The following MESD variants were observed in gnomAD, a reference collection of about 807,000 sequenced individuals.
MESD encodes mesoderm development LRP chaperone.
A neutral mutation model predicts 12.9 loss-of-function variants in MESD; 7 were observed. The ratio of observed to expected loss-of-function variants is 0.54; its 90% CI spans 0.31 to 1.02. The LOEUF is 1.02. MESD is among the 50% of genes least tolerant of loss of function. The pLI, the probability that MESD is intolerant of heterozygous loss-of-function variation, is 0.05. For synonymous variants in MESD, 126 were observed against 115.6 expected (o/e 1.09, Z -0.58); for missense variants, 342 against 296.7 (o/e 1.15, Z -1.12).
downstream of MESD, among the ~76,000 whole-genome samples, chr15:80,974,147 C>T (rs1902353601): frequency 6.6e-6 from 1 of 152,188 alleles, no homozygotes; most frequent in Admixed American, 6.5e-5. Flanking sequence ...AGCAGAGCCA[C>T]ACACAGCCTT....
rs556373031 is a variant in MESD, at chr15:80,985,317, T to C, written c.214-3135A>G. On this transcript the variant is annotated intron_variant, in intron 1 of 2. Coordinates refer to ENST00000261758, the MANE Select transcript of MESD (RefSeq NM_015154.3). ...AATAACAGCTTCTCCCTCCTAAGGT[T>C]TGTTTGGGGATGTAATGACTTAAAG... Among the ~76,000 whole-genome samples the C allele has an allele frequency of 5.7e-4, 86 of 152,130 alleles. 1 individual carries two copies. The highest frequency in any genetic ancestry group is 1.2e-3 in the Admixed American group (19 of 15,284).
intron 3 of MESD, among the ~76,000 whole-genome samples, chr15:80,959,699 T>A (rs1242884596): frequency 1.3e-5 from 2 of 152,132 alleles, no homozygotes; most frequent in African/African-American, 4.8e-5. Context: ...TCCCCCCACC[T>A]TTGTGCCCCT....
intron 4 of MESD, chr15:80,948,937 C>T (rs780764277): frequency 6.2e-7 from 1 of 1,614,166 alleles, no homozygotes; most frequent in East Asian, 2.2e-5. Flanking sequence ...ACAGCTGCCG[C>T]CCGGTGCCAC....
In MESD at chr15:80,989,660, A is replaced by C. The variant is rs1423070016; in HGVS notation, c.132T>G (p.Ser44=). ...AEGSPGTPDE[S]TPPPRKKKKD... is the part of the protein sequence containing the mutation. ...TCTTCTTCTTCCGGGGAGGTGGGGTAGACTCGTCGGGCGTCCCGGGCGAGC... is the reference window on the plus strand; with the variant it reads ...TCTTCTTCTTCCGGGGAGGTGGGGTCGACTCGTCGGGCGTCCCGGGCGAGC... Residue 44 remains serine (S), a synonymous_variant, in exon 1 of 3, where the codon TCT becomes TCG. Coordinates refer to ENST00000261758, the MANE Select transcript of MESD (RefSeq NM_015154.3). The C allele has an allele frequency of 6.2e-7, 1 of 1,613,742 alleles. No individual in the cohort carries two copies. Among genetic ancestry groups the C allele is most frequent in the Non-Finnish European group, 8.5e-7 (1 of 1,179,994 alleles).
At chr15:80,971,742 T>A (rs1215221003), downstream of MESD, among the ~76,000 whole-genome samples, 2 of 151,976 alleles carry the variant, frequency 1.3e-5, no homozygotes, top group East Asian at 3.9e-4. Flanking sequence ...TCCTCCCGCC[T>A]CAACCTCCTG....
chr15:80,974,691 A>T (rs2141803501), downstream of MESD, among the ~76,000 whole-genome samples: 1 of 150,988 alleles, frequency 6.6e-6, no homozygotes, highest in Admixed American at 6.6e-5. Flanking sequence ...GGGGAGCTGA[A>T]TCTGCAATCA....
chr15:80,947,473 T>A (rs565661024), exon 5 of MESD: 1 of 188,286 alleles, frequency 5.3e-6, no homozygotes, highest in South Asian at 1.1e-4. Context: ...GTTTGTACAG[T>A]CCTTTGCAGC....
chr15:80,988,392 C>T (rs1200541893), intron 1 of MESD, among the ~76,000 whole-genome samples: 1 of 152,206 alleles, frequency 6.6e-6, no homozygotes, highest in South Asian at 2.1e-4. Flanking sequence ...GCACCCTCTT[C>T]GTCTAGCTCA....
rs1902501526 is a variant in MESD at position 80,979,151 on chromosome 15, A to G, written c.*68T>C. The G allele has an allele frequency of 1.9e-6, 3 of 1,553,062 alleles. No homozygotes were observed. The African/African-American group carries it at 4.1e-5, about 21-fold the overall frequency. ...TGTGCAGTTGCCTGAGACCACTCCC[A>G]CCCCAGGAGCTGGGCAAAGAGCTCT... On this transcript the variant is annotated 3_prime_UTR_variant, in exon 3 of 3. Transcript: ENST00000261758.
At chr15:80,962,977 C>G (rs1432213839) in intron 3 of MESD, among the ~76,000 whole-genome samples, 1 of 152,078 alleles carries the variant, frequency 6.6e-6, no homozygotes, top group Non-Finnish European at 1.5e-5. Context: ...CAAGAAATAA[C>G]TAAGATCAGA....
At chr15:80,952,591 G>T (rs185959557) in intron 3 of MESD, among the ~76,000 whole-genome samples, 2 of 151,688 alleles carry the variant, frequency 1.3e-5, no homozygotes, top group Admixed American at 6.6e-5. Flanking sequence ...TTATGCATTG[G>T]GTTTAAAAAC....
intron 1 of MESD, among the ~76,000 whole-genome samples, chr15:80,985,664 T>TC (rs1902710470): frequency 6.8e-6 from 1 of 146,212 alleles, no homozygotes; most frequent in Non-Finnish European, 1.5e-5. Flanking sequence ...TTTTTTTTTT[T>TC]AGATGGGGTC....
chr15:80,959,304 G>A (rs1902044380), intron 3 of MESD, among the ~76,000 whole-genome samples: 1 of 152,226 alleles, frequency 6.6e-6, no homozygotes, highest in African/African-American at 2.4e-5. Flanking sequence ...GTGCCTGGAA[G>A]GATGAAGGGC....
intron 3 of MESD, among the ~76,000 whole-genome samples, chr15:80,969,925 G>A (rs1902250767): frequency 6.6e-6 from 1 of 152,190 alleles, no homozygotes; most frequent in Non-Finnish European, 1.5e-5. Context: ...ATACTGAATG[G>A]CTATGTGCCT....
At chr15:80,954,136 G>C (rs1387478277) in intron 3 of MESD, among the ~76,000 whole-genome samples, 1 of 152,176 alleles carries the variant, frequency 6.6e-6, no homozygotes, top group Non-Finnish European at 1.5e-5. Flanking sequence ...CCAGGGCGTA[G>C]CTCCACACAA....
chr15:80,980,745 G>A (rs1419073049), intron 2 of MESD, among the ~76,000 whole-genome samples: 2 of 151,984 alleles, frequency 1.3e-5, no homozygotes, highest in East Asian at 3.9e-4. Context: ...AGATCAGCCT[G>A]GGCAACATAG....
downstream of MESD, chr15:80,947,185 A>G: frequency 1.5e-6 from 1 of 684,046 alleles, no homozygotes; most frequent in Non-Finnish European, 2.7e-6. Flanking sequence ...ACGTGGGTAC[A>G]ACCTAAGAAT....
At chr15:80,973,452 T>C (rs1003151568), downstream of MESD, among the ~76,000 whole-genome samples, 5 of 152,046 alleles carry the variant, frequency 3.3e-5, no homozygotes, top group Admixed American at 1.3e-4. Flanking sequence ...GGTGGGAGGA[T>C]GGCTTGAGCC....
intron 3 of MESD, among the ~76,000 whole-genome samples, chr15:80,958,554 A>G (rs1485771064): frequency 6.6e-6 from 1 of 152,168 alleles, no homozygotes; most frequent in Non-Finnish European, 1.5e-5. Flanking sequence ...GCTGGTCTCG[A>G]ACTCCCGAGC....
Sources: allele counts gnomAD v4.1 joint callset (sites outside exome capture counted in the v4.1 genomes callset), GRCh38; gene constraint gnomAD v4.1.1; transcripts MANE v1.5; gene names NCBI Gene and HGNC (gene_info 2026-07-23, HGNC 2026-07-21).